The following SEPTIN5 variants were observed in gnomAD, a reference collection of about 807,000 sequenced individuals.
SEPTIN5 encodes the protein septin-5.
Under a neutral mutation model 51.2 loss-of-function variants are expected in SEPTIN5, and 16 were observed. The ratio of observed to expected loss-of-function variants is 0.31; its 90% CI spans 0.21 to 0.47. SEPTIN5 has a LOEUF of 0.47. Among genes scored for constraint, SEPTIN5 ranks in the 20% least tolerant of loss-of-function variants. The probability of loss-of-function intolerance (pLI) is 0.99; values close to 1 mark genes in which losing one functional copy is unlikely to be tolerated. For missense variants in SEPTIN5, 376 were observed against 500.3 expected, an observed-to-expected ratio of 0.75 and a Z score of 2.37; for synonymous variants, 208 against 191.2, an observed-to-expected ratio of 1.09 and a Z score of -0.72.
At chr22:19,716,120 C>T (rs1430001083) in intron 2 of SEPTIN5, among the ~76,000 whole-genome samples, 1 of 152,222 alleles carries the variant, frequency 6.6e-6, no homozygotes, top group Non-Finnish European at 1.5e-5. Flanking sequence ...AGGTGCCCAT[C>T]GTTTGAGGTC....
chr22:19,722,478 C>A lies in SEPTIN5; in HGVS notation c.1104C>A (p.Asp368Glu). Residue 368 changes from aspartate (D) to glutamate (E), a missense_variant, in exon 12 of 12, where the codon GAC (aspartate) becomes GAA (glutamate). Around this residue, in one of 2 missense-constraint regions of SEPTIN5, gnomAD observed 89 missense variants for 83.3 expected, o/e 1.07. Transcript: ENST00000455784. ...AGAGGATGAAGCAGCAGATGCAGGACCAGTGACGCTCGCCGCGGACACACC... is the reference window on the plus strand; with the variant it reads ...AGAGGATGAAGCAGCAGATGCAGGAACAGTGACGCTCGCCGCGGACACACC... Reference protein sequence around the residue: ...MLQRMKQQMQDQ With the variant: ...MLQRMKQQMQEQ The A allele has an allele frequency of 6.3e-7, 1 of 1,596,986 alleles. No individual in the cohort carries two copies. The highest frequency in any genetic ancestry group is 1.1e-5 in the South Asian group (1 of 88,872).
At chr22:19,721,993 C>G (rs974088438) in intron 10 of SEPTIN5, 36 bp downstream of exon 10, 7 of 1,583,046 alleles carry the variant, frequency 4.4e-6, no homozygotes, top group Admixed American at 1.7e-5. Context: ...CCTCGCCCCT[C>G]TGGCCCCGCC....
At chr22:19,720,955 C>A (rs1365610620) in intron 8 of SEPTIN5, 86 bp downstream of exon 8, 1 of 1,238,456 alleles carries the variant, frequency 8.1e-7, no homozygotes, top group Non-Finnish European at 1.2e-6. Context: ...ATTGAGCCTG[C>A]TGGAGGAGGG....
At chr22:19,722,074 C>A (rs1214353409) in intron 10 of SEPTIN5, 117 bp downstream of exon 10, 24 of 1,316,192 alleles carry the variant, frequency 1.8e-5, no homozygotes, top group Non-Finnish European at 2.5e-5. Flanking sequence ...TCCCTAAGCC[C>A]CCCCCCTCCC....
chr22:19,714,831 C>T lies in SEPTIN5; in HGVS notation c.54+40C>T. On this transcript the variant is annotated intron_variant, in intron 2 of 11. Transcript: ENST00000455784. The surrounding 1 kb of genome is among the most constrained non-coding windows in gnomAD (Gnocchi z 5.2). ...CCGCTCCCCCGCCGGGAGACCCGGC[C>T]GGCTGTCACCCATTGTGACACTAGC... 1 of 1,589,048 alleles carries T rather than the reference C, an allele frequency of 6.3e-7. No homozygotes were observed. Among genetic ancestry groups the T allele is most frequent in the Non-Finnish European group, 8.5e-7 (1 of 1,174,148 alleles).
intron 2 of SEPTIN5, chr22:19,718,415 C>A: frequency 1.9e-6 from 2 of 1,054,838 alleles, no homozygotes; most frequent in African/African-American, 1.7e-5. Context: ...GTCTCTGCCG[C>A]CCCCCGCCGC....
intron 2 of SEPTIN5, chr22:19,718,999 T>G: frequency 1.8e-6 from 1 of 563,032 alleles, no homozygotes; most frequent in African/African-American, 1.9e-5. Flanking sequence ...AGGCCTCACC[T>G]CACGCGACTC....
Position 19,719,806 on chromosome 22 carries a change from G to A in SEPTIN5, c.152G>A (p.Gly51Asp). 2 of 1,613,044 alleles carry A rather than the reference G, an allele frequency of 1.2e-6. No homozygotes were observed. The highest frequency in any genetic ancestry group is 1.7e-6 in the Non-Finnish European group (2 of 1,179,972). ...KGFDFTLMVA[G>D]ESGLGKSTLV... is the part of the protein sequence containing the mutation. ...GCTCCTTCTCTGTACCTGTGTGCAGGTGAGTCAGGCCTGGGGAAGTCCACA... is the reference window on the plus strand; with the variant it reads ...GCTCCTTCTCTGTACCTGTGTGCAGATGAGTCAGGCCTGGGGAAGTCCACA... The change falls in exon 4 of 12, where the codon GGT (glycine) becomes GAT (aspartate). Residue 51 changes from glycine (G) to aspartate (D), a missense_variant and splice_region_variant. By Grantham distance (94) the Gly-to-Asp change is moderately conservative (BLOSUM62 -1). Around this residue, in one of 2 missense-constraint regions of SEPTIN5, gnomAD observed 287 missense variants for 417.1 expected, o/e 0.69. Coordinates refer to ENST00000455784, the MANE Select transcript of SEPTIN5 (RefSeq NM_002688.6).
intron 2 of SEPTIN5, chr22:19,718,762 G>A (rs1396127838): frequency 3.2e-6 from 4 of 1,237,370 alleles, no homozygotes; most frequent in Non-Finnish European, 4.0e-6. Flanking sequence ...AGCGCCCCAG[G>A]ACCGCCTGGT....
chr22:19,720,077 G>T (rs1172080194), intron 4 of SEPTIN5, 38 bp from the exon 5 acceptor site: 1 of 1,612,376 alleles, frequency 6.2e-7, no homozygotes, highest in Admixed American at 1.7e-5. Flanking sequence ...GAGGGGCTGA[G>T]GGTTGGAGAG....
Position 19,720,199 on chromosome 22 carries a change from A to G in SEPTIN5, c.323A>G (p.Asp108Gly). ...GTCAAGCTGAAGCTCACCATCGTGG[A>G]CACGCCGGGATTCGGGGACGCTGTC... ...KGVKLKLTIV[D>G]TPGFGDAVNN... Residue 108 changes from aspartate (D) to glycine (G), a missense_variant, in exon 5 of 12, where the codon GAC (aspartate) becomes GGC (glycine). Around this residue, in one of 2 missense-constraint regions of SEPTIN5, gnomAD observed 287 missense variants for 417.1 expected, o/e 0.69. Transcript: ENST00000455784. 6.2e-7 allele frequency: 1 copy of G among 1,613,578 alleles called. No individual in the cohort carries two copies. The highest frequency in any genetic ancestry group is 8.5e-7 in the Non-Finnish European group (1 of 1,180,016).
Position 19,721,727 on chromosome 22 carries a change from A to T in SEPTIN5, c.805A>T (p.Ile269Phe). 1 of 1,608,822 alleles carries T rather than the reference A, an allele frequency of 6.2e-7. No homozygotes were observed. The highest frequency in any genetic ancestry group is 8.5e-7 in the Non-Finnish European group (1 of 1,177,186). Reference protein sequence around the residue: ...RVRGRLYPWGIVEVENQAHCD... With the variant: ...RVRGRLYPWGFVEVENQAHCD... ...CCGGGGCCGACTGTACCCCTGGGGG[A>T]TCGTGGAGGGTGAGTAGAGTCTTGG... is the stretch of plus-strand genomic sequence containing the variant. Residue 269 changes from isoleucine to phenylalanine, a missense_variant, in exon 9 of 12, where the codon ATC (isoleucine) becomes TTC (phenylalanine). Ile to Phe is a conservative substitution (Grantham distance 21, BLOSUM62 0). Transcript: ENST00000455784.
chr22:19,719,778 G>A (rs371192212), intron 3 of SEPTIN5, 28 bp from the exon 4 acceptor site: 9 of 1,612,380 alleles, frequency 5.6e-6, no homozygotes, highest in East Asian at 2.2e-5. Context: ...CAGACCTAAC[G>A]CAGCTCCTTC....
rs1015919086 is a variant in SEPTIN5, at chr22:19,714,578, C to T, written c.-11C>T. On this transcript the variant is annotated 5_prime_UTR_variant, in exon 1 of 12. Transcript: ENST00000455784. This position sits in a 1 kb window ranked among gnomAD's most constrained non-coding sequence, Gnocchi z 5.2. ...CGAGCCCGCCCCGCACGTCCCCCGC[C>T]GGCGGCCACCATGAGCACAGGCCTG... The T allele has an allele frequency of 1.4e-6, 2 of 1,417,494 alleles. No individual in the cohort carries two copies. The highest frequency in any genetic ancestry group is 9.2e-7 in the Non-Finnish European group (1 of 1,087,238). The allele number at this position is 1,417,494 out of a possible 1,614,324, so 87.8% of individuals were successfully genotyped here.
At chr22:19,715,303 G>A (rs574225706) in intron 2 of SEPTIN5, among the ~76,000 whole-genome samples, 3 of 152,380 alleles carry the variant, frequency 2.0e-5, no homozygotes, top group East Asian at 3.9e-4. Flanking sequence ...CTCTTCCCCA[G>A]ATTGGGAACC....
rs766409895 is a variant in SEPTIN5, at chr22:19,714,825, C to T, written c.54+34C>T. The T allele has an allele frequency of 6.3e-7, 1 of 1,591,886 alleles. No homozygotes were observed. Among genetic ancestry groups the T allele is most frequent in the Non-Finnish European group, 8.5e-7 (1 of 1,175,608 alleles). ...GCAGCGCCGCTCCCCCGCCGGGAGA[C>T]CCGGCCGGCTGTCACCCATTGTGAC... is the stretch of plus-strand genomic sequence containing the variant. On this transcript the variant is annotated intron_variant, in intron 2 of 11. Coordinates refer to ENST00000455784, the MANE Select transcript of SEPTIN5 (RefSeq NM_002688.6). This position sits in a 1 kb window ranked among gnomAD's most constrained non-coding sequence, Gnocchi z 5.2.
rs747486041 is a variant in SEPTIN5 at position 19,720,684 on chromosome 22, C to T, written c.615+18C>T. ...AGGAGCGGGTGAGCCTGCCGTCGCA[C>T]AGGGGCCTGGCCAGGGCCCTGGGGC... On this transcript the variant is annotated intron_variant, in intron 7 of 11. Coordinates refer to ENST00000455784, the MANE Select transcript of SEPTIN5 (RefSeq NM_002688.6). 3.5e-5 allele frequency: 57 copies of T among 1,612,658 alleles called. No homozygotes were observed. Among genetic ancestry groups the T allele is most frequent in the Admixed American group, 2.0e-4 (12 of 60,002 alleles).
Position 19,714,571 on chromosome 22 carries a change from C to A in SEPTIN5, c.-18C>A, listed in dbSNP as rs1485073949. 5.0e-6 allele frequency: 7 copies of A among 1,410,660 alleles called. No homozygotes were observed. Among genetic ancestry groups the A allele is most frequent in the Non-Finnish European group, 4.6e-6 (5 of 1,083,348 alleles). 87.4% of individuals were successfully genotyped at this position (1,410,660 alleles called of 1,614,324 possible). On this transcript the variant is annotated 5_prime_UTR_variant, in exon 1 of 12. Transcript: ENST00000455784. This position sits in a 1 kb window ranked among gnomAD's most constrained non-coding sequence, Gnocchi z 5.2. ...CCGCCCGCGAGCCCGCCCCGCACGT[C>A]CCCCGCCGGCGGCCACCATGAGCAC...
intron 2 of SEPTIN5, among the ~76,000 whole-genome samples, chr22:19,715,650 G>T (rs1051323251): frequency 6.6e-6 from 1 of 152,232 alleles, no homozygotes; most frequent in Non-Finnish European, 1.5e-5. Context: ...CCCCCATCAG[G>T]GATGGAGTTT....
Sources: gnomAD v4.1 joint callset for allele counts (sites outside exome capture counted in the v4.1 genomes callset) on GRCh38, gnomAD v4.1.1 for gene constraint, gnomAD v4.1.1 regional missense constraint, Gnocchi (gnomAD v3.1) non-coding constraint, MANE v1.5 for transcripts, NCBI Gene and HGNC (gene_info 2026-07-23, HGNC 2026-07-21) for gene names.